RFPL2: variants seen among roughly 807,000 people sequenced by gnomAD.
RFPL2 encodes ret finger protein-like 2.
Under a neutral mutation model 17.8 loss-of-function variants are expected in RFPL2, and 13 were observed. The observed-to-expected ratio is 0.73, with a 90% CI of 0.47 to 1.16. RFPL2 has a LOEUF of 1.16. RFPL2 is among the 50% of genes most tolerant of loss of function. The probability of loss-of-function intolerance (pLI) is 0.00; values close to 1 mark genes in which losing one functional copy is unlikely to be tolerated. For missense variants in RFPL2, 431 were observed against 479.3 expected (o/e 0.90, Z 0.94); for synonymous variants, 189 against 180.9 (o/e 1.04, Z -0.36).
chr22:32,204,649 G>A (rs942185832), intron 1 of RFPL2, among the ~76,000 whole-genome samples, 58 bp downstream of exon 1: 1 of 152,260 alleles, frequency 6.6e-6, no homozygotes, highest in Non-Finnish European at 1.5e-5. Flanking sequence ...AGCGAGCCGA[G>A]CCATGCTGCT....
intron 2 of RFPL2, 146 bp downstream of exon 2, chr22:32,202,187 T>C: frequency 1.0e-6 from 1 of 976,534 alleles, no homozygotes; most frequent in Non-Finnish European, 1.5e-6. Flanking sequence ...CCACTTTCTG[T>C]CTTCCTCTCC....
In RFPL2 at chr22:32,202,415, C is replaced by T. The variant is rs754844445; in HGVS notation, c.37G>A (p.Val13Met). Residue 13 changes from valine (V) to methionine (M), a missense_variant, in exon 2 of 5, where the codon GTG becomes ATG. Physicochemically the swap from Val to Met is conservative, Grantham distance 21 (BLOSUM62 1). Transcript: ENST00000652607. ...CATAGACAGATCCTGGATTGGGACA[C>T]TGCAGTCTCTGGGAAGCCTAATTCA... ...VAELGFPETAVSQSRICLCAV... is the reference protein window; with the variant it reads ...VAELGFPETAMSQSRICLCAV... 5.4e-5 allele frequency: 86 copies of T among 1,602,466 alleles called. No individual in the cohort carries two copies. The highest frequency in any genetic ancestry group is 7.1e-5 in the Non-Finnish European group (83 of 1,174,652).
In RFPL2 at chr22:32,191,334, G is replaced by C. The variant is rs1253097511; in HGVS notation, c.575C>G (p.Ala192Gly). Reference protein sequence around the residue: ...RKFQVDMTLDANTANNFLLIS... With the variant: ...RKFQVDMTLDGNTANNFLLIS... ...GAGGAGGAAGTTGTTGGCTGTGTTG[G>C]CATCCAAGGTCATATCCACTGTGAA... The change falls in exon 5 of 5, where the codon GCC becomes GGC. Residue 192 changes from alanine to glycine, a missense_variant. Ala to Gly is a moderately conservative substitution (Grantham distance 60, BLOSUM62 0). Coordinates refer to ENST00000652607, the MANE Select transcript of RFPL2 (RefSeq NM_001394555.1). 5.6e-6 allele frequency: 9 copies of C among 1,613,082 alleles called. No homozygotes were observed. The highest frequency in any genetic ancestry group is 7.6e-6 in the Non-Finnish European group (9 of 1,179,306).
chr22:32,199,469 A>G (rs1358547267), intron 2 of RFPL2, among the ~76,000 whole-genome samples: 1 of 152,212 alleles, frequency 6.6e-6, no homozygotes. Context: ...GCAGAGGCTC[A>G]GGAGAGACTG....
Position 32,199,940 on chromosome 22 carries a change from C to G in RFPL2, c.119+2393G>C, listed in dbSNP as rs577129816. ...ACAGGCCAGCCCAAGGCCACCCCCT[C>G]GGTCACTCTGTTCCCGTCCTCCTCT... On this transcript the variant is annotated intron_variant, in intron 2 of 4. Coordinates refer to ENST00000652607, the MANE Select transcript of RFPL2 (RefSeq NM_001394555.1). 3.0e-4 allele frequency: 161 copies of G among 536,846 alleles called. 1 individual carries two copies. Among genetic ancestry groups the G allele is most frequent in the South Asian group, 1.8e-3 (123 of 69,072 alleles). The allele number at this position is 536,846 out of a possible 1,614,324, so 33.3% of individuals were successfully genotyped here.
At chr22:32,193,393 C>G in intron 3 of RFPL2, 4 of 1,539,438 alleles carry the variant, frequency 2.6e-6, no homozygotes, top group Non-Finnish European at 2.6e-6. Context: ...GGGAAAGTCA[C>G]GAATCATCAC....
Position 32,194,084 on chromosome 22 carries a change from T to C in RFPL2, c.265+261A>G, listed in dbSNP as rs1923049455. On this transcript the variant is annotated intron_variant, in intron 3 of 4. Coordinates refer to ENST00000652607, the MANE Select transcript of RFPL2 (RefSeq NM_001394555.1). Reference sequence around the variant, plus strand: ...ACCTGGACAACAGAGTTAAGACCCGTCTCACCAAAAAATAAAAAAATAAAA... The same window carrying C: ...ACCTGGACAACAGAGTTAAGACCCGCCTCACCAAAAAATAAAAAAATAAAA... Among the ~76,000 whole-genome samples, 7 of 146,308 alleles carry C rather than the reference T, an allele frequency of 4.8e-5. No homozygotes were observed. In the South Asian group the frequency reaches 1.5e-3, roughly 32 times the overall value.
At chr22:32,204,348 C>A (rs1264205737) in intron 1 of RFPL2, among the ~76,000 whole-genome samples, 2 of 152,208 alleles carry the variant, frequency 1.3e-5, no homozygotes, top group East Asian at 3.9e-4. Context: ...CAGCAAGCCA[C>A]CCCGCGGCTG....
chr22:32,191,118 C>A lies in RFPL2; in HGVS notation c.791G>T (p.Arg264Leu). 1 of 1,613,970 alleles carries A rather than the reference C, an allele frequency of 6.2e-7. No individual in the cohort carries two copies. Among genetic ancestry groups the A allele is most frequent in the Non-Finnish European group, 8.5e-7 (1 of 1,179,868 alleles). The change falls in exon 5 of 5, where the codon CGC becomes CTC. Residue 264 changes from arginine to leucine, a missense_variant. Transcript: ENST00000652607. ...DLGVCRESVH[R>L]KGRIQLTTEL... Reference sequence around the variant, plus strand: ...TGTGGTCAGCTGGATCCTCCCTTTGCGGTGAACAGATTCTCTGCAGACTCC... The same window carrying A: ...TGTGGTCAGCTGGATCCTCCCTTTGAGGTGAACAGATTCTCTGCAGACTCC...
intron 2 of RFPL2, among the ~76,000 whole-genome samples, chr22:32,195,228 C>T (rs1482027481): frequency 6.6e-6 from 1 of 152,040 alleles, no homozygotes; most frequent in African/African-American, 2.4e-5. Context: ...TCTCTTTTTG[C>T]GTAATTAAAA....
rs781310173 is a variant in RFPL2, at chr22:32,193,070, T to C, written c.388A>G (p.Lys130Glu). 6.2e-7 allele frequency: 1 copy of C among 1,613,962 alleles called. No individual in the cohort carries two copies. The highest frequency in any genetic ancestry group is 1.7e-5 in the Admixed American group (1 of 60,010). The change falls in exon 4 of 5, where the codon AAG (lysine) becomes GAG (glutamate). Residue 130 changes from lysine to glutamate, a missense_variant. Transcript: ENST00000652607. ...VCLKCINSLQ[K>E]EPHGEDLLCC... ...AGTAGATCCTCCCCATGGGGCTCCT[T>C]CTGCAGTGAATTAATGCACTTGAGG...
chr22:32,194,977 G>A lies in RFPL2; in HGVS notation c.120-487C>T, dbSNP rs1923165773. Among the ~76,000 whole-genome samples the A allele has an allele frequency of 5.3e-5, 8 of 152,054 alleles. No homozygotes were observed. The South Asian group carries it at 1.7e-3, about 31-fold the overall frequency. ...TTGGACCTTGAGTACTTCACAGAGT[G>A]TTAAGATAAAAGTCACAATTTAAAA... is the stretch of plus-strand genomic sequence containing the variant. On this transcript the variant is annotated intron_variant, in intron 2 of 4. Coordinates refer to ENST00000652607, the MANE Select transcript of RFPL2 (RefSeq NM_001394555.1).
intron 3 of RFPL2, chr22:32,193,425 G>A: frequency 6.7e-7 from 1 of 1,488,276 alleles, no homozygotes; most frequent in Non-Finnish European, 8.9e-7. Flanking sequence ...CTGAGGTGGA[G>A]GAAGCGTCCA....
intron 2 of RFPL2, among the ~76,000 whole-genome samples, chr22:32,201,871 G>A (rs1304395514): frequency 1.3e-5 from 2 of 152,192 alleles, no homozygotes; most frequent in African/African-American, 4.8e-5. Flanking sequence ...GGCATCCTGG[G>A]TGAGTCTCTC....
chr22:32,200,871 G>A (rs1049936139), intron 2 of RFPL2, among the ~76,000 whole-genome samples: 3 of 151,984 alleles, frequency 2.0e-5, no homozygotes, highest in Non-Finnish European at 4.4e-5. Flanking sequence ...TTTGGGGCCC[G>A]CCTCGATTCT....
chr22:32,190,906 A>T lies in RFPL2; in HGVS notation c.1003T>A (p.Ser335Thr), dbSNP rs1216717357. ...GSHVYTFRSV[S>T]AEEPLRPFLA... Reference sequence around the variant, plus strand: ...AATGGGCGCAATGGCTCCTCAGCAGATACGCTCCTGAATGTATAGACATGG... The same window carrying T: ...AATGGGCGCAATGGCTCCTCAGCAGTTACGCTCCTGAATGTATAGACATGG... The change falls in exon 5 of 5, where the codon TCT becomes ACT. Residue 335 changes from serine to threonine, a missense_variant. Transcript: ENST00000652607. 5 of 1,601,250 alleles carry T rather than the reference A, an allele frequency of 3.1e-6. No individual in the cohort carries two copies. The highest frequency in any genetic ancestry group is 4.3e-6 in the Non-Finnish European group (5 of 1,172,894).
chr22:32,190,896 T>A lies in RFPL2; in HGVS notation c.1013A>T (p.Glu338Val), dbSNP rs749352437. The A allele has an allele frequency of 3.1e-5, 50 of 1,597,320 alleles. No homozygotes were observed. Among genetic ancestry groups the A allele is most frequent in the Non-Finnish European group, 4.2e-5 (49 of 1,171,304 alleles). Residue 338 changes from glutamate to valine, a missense_variant, in exon 5 of 5, where the codon GAG (glutamate) becomes GTG (valine). Coordinates refer to ENST00000652607, the MANE Select transcript of RFPL2 (RefSeq NM_001394555.1). ...AGGAGCCAAAAATGGGCGCAATGGC[T>A]CCTCAGCAGATACGCTCCTGAATGT... ...VYTFRSVSAEEPLRPFLAPSV... is the reference protein window; with the variant it reads ...VYTFRSVSAEVPLRPFLAPSV...
intron 1 of RFPL2, among the ~76,000 whole-genome samples, chr22:32,204,308 C>T (rs549885964): frequency 2.0e-5 from 3 of 151,600 alleles, no homozygotes; most frequent in Non-Finnish European, 4.4e-5. Context: ...CGTACCCCAG[C>T]GCGACCAGTG....
intron 1 of RFPL2, among the ~76,000 whole-genome samples, chr22:32,203,911 C>T (rs1190421299): frequency 1.3e-5 from 2 of 151,456 alleles, no homozygotes; most frequent in East Asian, 3.9e-4. Flanking sequence ...TCCTTACACG[C>T]CCCCCACTAC....
Sources: allele counts gnomAD v4.1 joint callset (sites outside exome capture counted in the v4.1 genomes callset), GRCh38; gene constraint gnomAD v4.1.1; transcripts MANE v1.5; gene names NCBI Gene and HGNC (gene_info 2026-07-23, HGNC 2026-07-21).